Variants in NFIA observed in about 807,000 individuals in gnomAD.
NFIA encodes the protein nuclear factor I A.
A neutral mutation model predicts 62.8 loss-of-function variants in NFIA; 8 were observed. That is an observed-to-expected ratio of 0.13 (90% confidence interval 0.07 to 0.23). The LOEUF (loss-of-function observed/expected upper bound fraction) is 0.23, where lower values mean the gene tolerates loss of function less well. Ranked by LOEUF, NFIA falls within the 10% of genes least tolerant of loss-of-function variation. The pLI, the probability that NFIA is intolerant of heterozygous loss-of-function variation, is 1.00. For missense variants in NFIA, 410 were observed against 642.1 expected (o/e 0.64, Z 3.91); for synonymous variants, 235 against 238.1 (o/e 0.99, Z 0.12).
At chr1:61,152,939 G>A (rs572626501) in intron 2 of NFIA, among the ~76,000 whole-genome samples, 11 of 152,178 alleles carry the variant, frequency 7.2e-5, no homozygotes, top group Non-Finnish European at 1.6e-4. Flanking sequence ...CCACCAGAGG[G>A]CCTTGGCAAT....
rs185996257 is a variant in NFIA at position 61,093,086 on chromosome 1, G to A, written c.559+4406G>A. ...TATAATTTTATGCCAAATTAATTAT[G>A]AAAATTATTTTAATTTTTAGGTAAC... On this transcript the variant is annotated intron_variant, in intron 2 of 10. Coordinates refer to ENST00000403491, the MANE Select transcript of NFIA (RefSeq NM_001134673.4). Among the ~76,000 whole-genome samples, 1,267 of 152,188 alleles carry A rather than the reference G, an allele frequency of 8.3e-3. 13 individuals are homozygous for A. The highest frequency in any genetic ancestry group is 0.012 in the Non-Finnish European group (810 of 67,990).
At chr1:61,206,247 G>T (rs928503643) in intron 2 of NFIA, among the ~76,000 whole-genome samples, 1 of 152,038 alleles carries the variant, frequency 6.6e-6, no homozygotes, top group African/African-American at 2.4e-5. Context: ...GGCTTTTCCT[G>T]GTTGAAAAGT....
chr1:61,332,791 A>G (rs1054537314), intron 4 of NFIA, among the ~76,000 whole-genome samples: 5 of 152,246 alleles, frequency 3.3e-5, no homozygotes, highest in African/African-American at 9.6e-5. Context: ...CATAAAAGAA[A>G]GACCAAAATC....
intron 2 of NFIA, among the ~76,000 whole-genome samples, chr1:61,234,143 G>A (rs1654840469): frequency 2.6e-5 from 4 of 151,870 alleles, no homozygotes; most frequent in South Asian, 4.2e-4. Flanking sequence ...CGAGGCGGGC[G>A]GATCACCTGA....
chr1:61,339,062 T>G (rs2100406018), intron 4 of NFIA, among the ~76,000 whole-genome samples: 1 of 152,334 alleles, frequency 6.6e-6, no homozygotes, highest in South Asian at 2.1e-4. Context: ...TGTTTGCCAT[T>G]ACACAATTCA....
chr1:61,246,382 A>C (rs1015133202), intron 2 of NFIA, among the ~76,000 whole-genome samples: 1 of 152,180 alleles, frequency 6.6e-6, no homozygotes, highest in Non-Finnish European at 1.5e-5. Context: ...GATTTGTACT[A>C]ACCTTTATGC....
At chr1:61,119,004 T>C (rs1365479129) in intron 2 of NFIA, among the ~76,000 whole-genome samples, 4 of 151,702 alleles carry the variant, frequency 2.6e-5, no homozygotes, top group Admixed American at 2.6e-4. Context: ...ATATGAAAGA[T>C]ATTATAGGTC....
intron 9 of NFIA, among the ~76,000 whole-genome samples, chr1:61,421,444 A>G (rs1666616481): frequency 6.6e-6 from 1 of 152,208 alleles, no homozygotes; most frequent in Admixed American, 6.5e-5. Flanking sequence ...GAGGGGGTGA[A>G]TGTTTGCTAC....
At chr1:61,305,230 G>C (rs1198622880) in intron 3 of NFIA, among the ~76,000 whole-genome samples, 3 of 152,068 alleles carry the variant, frequency 2.0e-5, no homozygotes, top group African/African-American at 7.2e-5. Flanking sequence ...TATTAAGGTA[G>C]CCAGAGGCAA....
chr1:61,094,577 A>G (rs1408629059), intron 2 of NFIA, among the ~76,000 whole-genome samples: 6 of 152,332 alleles, frequency 3.9e-5, no homozygotes, highest in Admixed American at 6.5e-5. Context: ...AAAAGGGGCC[A>G]TGGAGATGTT....
chr1:61,107,466 A>ACTTTC (rs59538712), intron 2 of NFIA, among the ~76,000 whole-genome samples: 142,197 of 151,218 alleles, frequency 0.94, 66,959 homozygotes, highest in Middle Eastern at 0.97. Flanking sequence ...TGTATGAGCC[A>ACTTTC]CTTTACTGTG....
At chr1:61,186,890 A>T (rs1006656831) in intron 2 of NFIA, among the ~76,000 whole-genome samples, 1 of 152,168 alleles carries the variant, frequency 6.6e-6, no homozygotes, top group African/African-American at 2.4e-5. Flanking sequence ...AGGTCATATA[A>T]CTATTAAATG....
In NFIA at chr1:61,406,548, C is replaced by CG. The variant is rs774441568; in HGVS notation, c.1255-14_1255-13insG. On this transcript the variant is annotated splice_polypyrimidine_tract_variant and intron_variant, in intron 8 of 10. Coordinates refer to ENST00000403491, the MANE Select transcript of NFIA (RefSeq NM_001134673.4). ...TTCTTGTACGTGTGTTTTCTGCCCC[C>CG]CCCCCCCCCACAGCCCAATGGGAGC... 20 of 933,506 alleles carry CG rather than the reference C, an allele frequency of 2.1e-5. 2 individuals carry two copies. Among genetic ancestry groups the CG allele is most frequent in the East Asian group, 2.0e-4 (4 of 19,988 alleles). The allele number at this position is 933,506 out of a possible 1,614,324, so 57.8% of individuals were successfully genotyped here.
intron 3 of NFIA, among the ~76,000 whole-genome samples, chr1:61,299,764 C>G (rs1000379447): frequency 3.9e-5 from 6 of 152,114 alleles, no homozygotes; most frequent in Admixed American, 3.3e-4. Flanking sequence ...GGAACACAAG[C>G]TGGTTAATGT....
intron 2 of NFIA, among the ~76,000 whole-genome samples, chr1:61,164,091 A>G (rs1649403412): frequency 6.6e-6 from 1 of 152,194 alleles, no homozygotes; most frequent in African/African-American, 2.4e-5. Context: ...TGGTCTAAAC[A>G]AAGATTTTTT....
At position 61,426,473 on chromosome 1, in the gene NFIA, A is replaced by G; in HGVS notation, c.1429A>G (p.Thr477Ala). 1 of 1,551,520 alleles carries G rather than the reference A, an allele frequency of 6.4e-7. No individual in the cohort carries two copies. Among genetic ancestry groups the G allele is most frequent in the Non-Finnish European group, 8.7e-7 (1 of 1,146,902 alleles). Residue 477 changes from threonine to alanine, a missense_variant, in exon 10 of 11, where the codon ACA (threonine) becomes GCA (alanine). By Grantham distance (58) the Thr-to-Ala change is moderately conservative. Transcript: ENST00000403491. Reference protein sequence around the residue: ...AASPTSPTYSTPSTSPANRFV... With the variant: ...AASPTSPTYSAPSTSPANRFV... ...GTCCCTTCCCTTCACAGCCTACTCG[A>G]CACCCAGCACCTCCCCCGCAAACCG... is the stretch of plus-strand genomic sequence containing the variant.
intron 3 of NFIA, among the ~76,000 whole-genome samples, chr1:61,306,522 A>T (rs1488766247): frequency 3.3e-5 from 5 of 149,576 alleles, no homozygotes; most frequent in Admixed American, 3.3e-4. Context: ...ATGATCCACC[A>T]CCTTGGCCTC....
At chr1:61,317,345 C>T (rs913741474) in intron 3 of NFIA, among the ~76,000 whole-genome samples, 3 of 151,926 alleles carry the variant, frequency 2.0e-5, no homozygotes, top group East Asian at 3.8e-4. Context: ...AAATTTGTAT[C>T]CTTATGTCTA....
chr1:61,093,040 T>C (rs1646347550), intron 2 of NFIA, among the ~76,000 whole-genome samples: 1 of 152,186 alleles, frequency 6.6e-6, no homozygotes, highest in Admixed American at 6.5e-5. Context: ...TATAAATAAA[T>C]CGCATTAGAT....
Sources: allele counts gnomAD v4.1 joint callset (sites outside exome capture counted in the v4.1 genomes callset), GRCh38; gene constraint gnomAD v4.1.1; transcripts MANE v1.5; gene names NCBI Gene and HGNC (gene_info 2026-07-23, HGNC 2026-07-21).